Variants in RAB40B observed in about 807,000 individuals in gnomAD.
RAB40B encodes the protein RAB40B, member RAS oncogene family.
A neutral mutation model predicts 24.0 loss-of-function variants in RAB40B; 21 were observed. The observed-to-expected ratio is 0.88, with a 90% CI of 0.62 to 1.26. The LOEUF is 1.26. Among genes scored for constraint, RAB40B ranks in the 50% most tolerant of loss-of-function variants. The pLI, the probability that RAB40B is intolerant of heterozygous loss-of-function variation, is 0.00. For synonymous variants in RAB40B, 167 were observed against 169.8 expected (o/e 0.98, Z 0.13); for missense variants, 348 against 390.5 (o/e 0.89, Z 0.92).
chr17:82,694,014 C>T (rs1475092219), intron 1 of RAB40B, among the ~76,000 whole-genome samples: 3 of 148,256 alleles, frequency 2.0e-5, no homozygotes, highest in Admixed American at 2.0e-4. Flanking sequence ...ACCTGGGAGG[C>T]AGAGGTTGCA....
chr17:82,684,739 A>C (rs1477215012), intron 1 of RAB40B, among the ~76,000 whole-genome samples: 1 of 152,168 alleles, frequency 6.6e-6, no homozygotes, highest in Non-Finnish European at 1.5e-5. Flanking sequence ...GGCTGCCTAC[A>C]AAGAGGCTGC....
chr17:82,674,911 C>G (rs1015811447), intron 1 of RAB40B, among the ~76,000 whole-genome samples: 1 of 152,100 alleles, frequency 6.6e-6, no homozygotes. Flanking sequence ...CTGACGGCAT[C>G]GTTCAGGCAC....
intron 2 of RAB40B, among the ~76,000 whole-genome samples, 168 bp downstream of exon 2, chr17:82,664,328 C>T (rs1367309200): frequency 6.9e-5 from 5 of 72,326 alleles, no homozygotes; most frequent in Non-Finnish European, 1.3e-4. Flanking sequence ...TGGTGCTCCC[C>T]GGGGTGCTGT....
chr17:82,695,235 G>GCCA (rs2046596909), intron 1 of RAB40B, among the ~76,000 whole-genome samples: 2 of 148,998 alleles, frequency 1.3e-5, no homozygotes, highest in East Asian at 3.9e-4. Context: ...CTCTGTCGCT[G>GCCA]GGCTGGAGTG....
In RAB40B at chr17:82,665,871, C is replaced by T. The variant is rs1381902311; in HGVS notation, c.143-1315G>A. ...GACAGAGGGAGACTCTGTATCAAAACAAACAACAAGAACAACAACAAAAAA... is the reference window on the plus strand; with the variant it reads ...GACAGAGGGAGACTCTGTATCAAAATAAACAACAAGAACAACAACAAAAAA... On this transcript the variant is annotated intron_variant, in intron 1 of 5. Coordinates refer to ENST00000571995, the MANE Select transcript of RAB40B (RefSeq NM_006822.3). 3.4e-5 allele frequency among the ~76,000 whole-genome samples: 5 copies of T among 145,196 alleles called. No homozygotes were observed. The East Asian group carries it at 8.2e-4, about 24-fold the overall frequency.
rs573140591 is a variant in RAB40B at position 82,673,652 on chromosome 17, G to A, written c.143-9096C>T. Among the ~76,000 whole-genome samples the A allele has an allele frequency of 2.0e-4, 31 of 152,248 alleles. 1 individual carries two copies. Among genetic ancestry groups the A allele is most frequent in the South Asian group, 1.9e-3 (9 of 4,818 alleles). ...TCCAGAGTTCCTTTTGAGATCGGCC[G>A]TAAACTCATTCTTGACCCTCTGAAT... is the stretch of plus-strand genomic sequence containing the variant. On this transcript the variant is annotated intron_variant, in intron 1 of 5. Coordinates refer to ENST00000571995, the MANE Select transcript of RAB40B (RefSeq NM_006822.3).
At chr17:82,670,178 CTTTTTTTTTTTT>C (rs71168131) in intron 1 of RAB40B, among the ~76,000 whole-genome samples, 1 of 81,272 alleles carries the variant, frequency 1.2e-5, no homozygotes, top group African/African-American at 4.8e-5. Flanking sequence ...GGCCAACAAT[CTTTTTTTTTTTT>C]TTTTTTTTTT....
chr17:82,684,664 G>C (rs902316148), intron 1 of RAB40B, among the ~76,000 whole-genome samples: 1 of 152,204 alleles, frequency 6.6e-6, no homozygotes, highest in Admixed American at 6.5e-5. Context: ...TGAGTGACCG[G>C]AGCCAGGTTC....
intron 1 of RAB40B, among the ~76,000 whole-genome samples, chr17:82,686,379 T>C (rs1050476320): frequency 6.6e-6 from 1 of 152,234 alleles, no homozygotes; most frequent in Admixed American, 6.5e-5. Flanking sequence ...CCCAAAGTGA[T>C]GGGATTATAG....
intron 2 of RAB40B, among the ~76,000 whole-genome samples, chr17:82,661,491 C>G (rs1256655054): frequency 2.6e-5 from 4 of 152,088 alleles, no homozygotes; most frequent in Admixed American, 6.5e-5. Flanking sequence ...GGGAGGGATA[C>G]AGGGAACTGC....
At chr17:82,660,202 C>T (rs952190935) in intron 3 of RAB40B, among the ~76,000 whole-genome samples, 3 of 152,074 alleles carry the variant, frequency 2.0e-5, no homozygotes, top group African/African-American at 7.2e-5. Context: ...CACATAGGCA[C>T]TCATGCACAG....
At chr17:82,691,997 G>C (rs1270301162) in intron 1 of RAB40B, among the ~76,000 whole-genome samples, 3 of 152,170 alleles carry the variant, frequency 2.0e-5, no homozygotes, top group Non-Finnish European at 2.9e-5. Flanking sequence ...GTAACCAGCA[G>C]AGCAGTGGGG....
At chr17:82,681,889 T>TA (rs200447399) in intron 1 of RAB40B, among the ~76,000 whole-genome samples, 56 of 151,646 alleles carry the variant, frequency 3.7e-4, no homozygotes, top group African/African-American at 1.3e-3. Flanking sequence ...AAGTGCATCT[T>TA]AAAAAAAAGA....
intron 1 of RAB40B, among the ~76,000 whole-genome samples, chr17:82,685,518 G>T (rs2244565): frequency 0.44 from 66,473 of 151,968 alleles, 14,932 homozygotes; most frequent in Admixed American, 0.57. Context: ...GAAACGCTCA[G>T]ATGGGGCGGG....
Position 82,657,882 on chromosome 17 carries a change from T to A in RAB40B, c.818A>T (p.Asn273Ile). The change falls in exon 6 of 6, where the codon AAC becomes ATC. Residue 273 changes from asparagine (N) to isoleucine (I), a missense_variant. This residue lies in a region of RAB40B where 121 missense variants were observed against 124.0 expected (regional missense o/e 0.98). Coordinates refer to ENST00000571995, the MANE Select transcript of RAB40B (RefSeq NM_006822.3). ...PQSPPKNCTR[N>I]SCKIS is the part of the protein sequence containing the mutation. ...CCTTCCTTAAGAAATTTTGCAGCTG[T>A]TTCTGGTGCAGTTTTTGGGGGGGCT... 1 of 1,564,020 alleles carries A rather than the reference T, an allele frequency of 6.4e-7. No homozygotes were observed. Among genetic ancestry groups the A allele is most frequent in the Non-Finnish European group, 8.7e-7 (1 of 1,150,470 alleles).
At chr17:82,662,488 G>A (rs1479866338) in intron 2 of RAB40B, 3 of 985,330 alleles carry the variant, frequency 3.0e-6, no homozygotes, top group Non-Finnish European at 3.6e-6. Context: ...AAGGAGCAGA[G>A]CAGAGCCCAA....
At chr17:82,661,097 A>G in intron 2 of RAB40B, 50 bp from the exon 3 acceptor site, 1 of 1,601,664 alleles carries the variant, frequency 6.2e-7, no homozygotes, top group Non-Finnish European at 8.5e-7. Flanking sequence ...CTTCTTCCTG[A>G]CAACAGGTTC....
At chr17:82,668,795 G>A (rs1396555817) in intron 1 of RAB40B, among the ~76,000 whole-genome samples, 2 of 152,258 alleles carry the variant, frequency 1.3e-5, no homozygotes, top group Admixed American at 1.3e-4. Context: ...AGCGGGCCGC[G>A]GCACGCAGGG....
intron 1 of RAB40B, among the ~76,000 whole-genome samples, chr17:82,683,128 G>A (rs910447350): frequency 4.6e-5 from 7 of 152,190 alleles, no homozygotes; most frequent in African/African-American, 1.7e-4. Context: ...GGGCTACAGA[G>A]TGAGACTCCA....
Sources: allele counts gnomAD v4.1 joint callset (sites outside exome capture counted in the v4.1 genomes callset), GRCh38; gene constraint gnomAD v4.1.1; regional missense constraint gnomAD v4.1.1; transcripts MANE v1.5; gene names NCBI Gene and HGNC (gene_info 2026-07-23, HGNC 2026-07-21).